The following CACNA1E variants were observed in gnomAD, a reference collection of about 807,000 sequenced individuals.
CACNA1E encodes the protein calcium voltage-gated channel subunit alpha1 E.
In CACNA1E, 40 loss-of-function variants were observed where a neutral mutation model predicts 259.2. The observed-to-expected ratio is 0.15, with a 90% CI of 0.12 to 0.20. The LOEUF is 0.20. Among genes scored for constraint, CACNA1E ranks in the 10% least tolerant of loss-of-function variants. The pLI is 1.00. For synonymous variants in CACNA1E, 1,104 were observed against 1,138.5 expected, an observed-to-expected ratio of 0.97 and a Z score of 0.61; for missense variants, 1,874 against 3,040.1, an observed-to-expected ratio of 0.62 and a Z score of 9.02.
At position 181,737,537 on chromosome 1, in the gene CACNA1E, C is replaced by G. The variant is rs1288960703; in HGVS notation, c.3435C>G (p.Ala1145=). ...CCACTGCCCGCAGGATCCGGAGGGC[C>G]TGCCACTACATCGTGAACCTGCGCT... is the stretch of plus-strand genomic sequence containing the variant. ...IFSTTNPIRR[A]CHYIVNLRYF... The change falls in exon 23 of 48, where the codon GCC becomes GCG. Residue 1145 remains alanine (A), a synonymous_variant. Transcript: ENST00000367573. The G allele has an allele frequency of 6.2e-7, 1 of 1,613,916 alleles. No individual in the cohort carries two copies.
intron 7 of CACNA1E, among the ~76,000 whole-genome samples, chr1:181,702,840 C>G (rs1652406989): frequency 6.6e-6 from 1 of 152,224 alleles, no homozygotes; most frequent in African/African-American, 2.4e-5. Context: ...CCAATACTTA[C>G]TATACTTCTC....
intron 3 of CACNA1E, among the ~76,000 whole-genome samples, chr1:181,532,478 T>G (rs1667856321): frequency 6.6e-6 from 1 of 152,230 alleles, no homozygotes; most frequent in South Asian, 2.1e-4. Flanking sequence ...CCAAGCTTGG[T>G]GCAGGGGCTG....
chr1:181,667,083 C>A (rs1648306747), intron 7 of CACNA1E, among the ~76,000 whole-genome samples: 1 of 151,964 alleles, frequency 6.6e-6, no homozygotes, highest in Admixed American at 6.5e-5. Flanking sequence ...ATACACTGAC[C>A]ACTATAATTT....
chr1:181,757,873 G>A, intron 30 of CACNA1E, 74 bp from the exon 31 acceptor site: 10 of 1,516,222 alleles, frequency 6.6e-6, no homozygotes, highest in Non-Finnish European at 9.0e-6. Flanking sequence ...CTCCTCTTCT[G>A]AGCATGGAAC....
chr1:181,731,352 G>A (rs1655458208), intron 19 of CACNA1E, 121 bp downstream of exon 19: 1 of 743,116 alleles, frequency 1.3e-6, no homozygotes, highest in East Asian at 2.7e-5. Context: ...GGCTTGGTGT[G>A]TGTGTGTGTG....
chr1:181,698,258 T>G (rs1651901907), intron 7 of CACNA1E, among the ~76,000 whole-genome samples: 1 of 152,162 alleles, frequency 6.6e-6, no homozygotes, highest in African/African-American at 2.4e-5. Context: ...AATGTCTGAT[T>G]TGAGTTAATA....
intron 1 of CACNA1E, among the ~76,000 whole-genome samples, chr1:181,391,993 C>T (rs536487591): frequency 5.4e-5 from 8 of 148,460 alleles, no homozygotes; most frequent in African/African-American, 1.5e-4. Flanking sequence ...AGTGGAAGGA[C>T]AGACCTCTTT....
rs371477663 is a variant in CACNA1E, at chr1:181,703,078, G to A, written c.1056-7876G>A. Among the ~76,000 whole-genome samples, 6 of 152,206 alleles carry A rather than the reference G, an allele frequency of 3.9e-5. No individual in the cohort carries two copies. In the East Asian group the frequency reaches 9.7e-4, roughly 25 times the overall value. ...CTCTCAAGTATCTGAGATTACAGGT[G>A]CATACCAGCATGCCCAATTATACTT... On this transcript the variant is annotated intron_variant, in intron 7 of 47. Transcript: ENST00000367573.
intron 35 of CACNA1E, among the ~76,000 whole-genome samples, chr1:181,768,910 A>T (rs1239172832): frequency 6.6e-6 from 1 of 152,254 alleles, no homozygotes; most frequent in African/African-American, 2.4e-5. Flanking sequence ...CTTTTGGAAA[A>T]ATATTAATAG....
chr1:181,351,291 G>C (rs964243677), intron 1 of CACNA1E, among the ~76,000 whole-genome samples: 1 of 152,162 alleles, frequency 6.6e-6, no homozygotes, highest in Non-Finnish European at 1.5e-5. Flanking sequence ...TCAGCATCTA[G>C]GGCTGTAGCC....
At chr1:181,489,802 G>C (rs1664156866) in intron 1 of CACNA1E, among the ~76,000 whole-genome samples, 1 of 152,262 alleles carries the variant, frequency 6.6e-6, no homozygotes, top group Middle Eastern at 3.4e-3. Flanking sequence ...ATGGGGACCA[G>C]GCATGGAAAT....
At position 181,692,758 on chromosome 1, in the gene CACNA1E, C is replaced by A. The variant is rs112857092; in HGVS notation, c.1056-18196C>A. 2.0e-3 allele frequency among the ~76,000 whole-genome samples: 309 copies of A among 152,128 alleles called. 1 individual carries two copies. The highest frequency in any genetic ancestry group is 6.5e-3 in the African/African-American group (270 of 41,512). ...CCTTGAGAAGGATTTATGACTAAGT[C>A]CTCAAAAGCAATTGCAATAAAAAAC... On this transcript the variant is annotated intron_variant, in intron 7 of 47. Transcript: ENST00000367573.
intron 8 of CACNA1E, among the ~76,000 whole-genome samples, chr1:181,714,123 C>G (rs1056850148): frequency 1.3e-5 from 2 of 152,304 alleles, no homozygotes; most frequent in South Asian, 2.1e-4. Context: ...GGACTGCCCC[C>G]ACTTTAGATG....
At chr1:181,618,520 G>A (rs986853676) in intron 6 of CACNA1E, among the ~76,000 whole-genome samples, 3 of 152,070 alleles carry the variant, frequency 2.0e-5, no homozygotes, top group Non-Finnish European at 4.4e-5. Context: ...AGCCAAGATC[G>A]TGCCACTGCA....
chr1:181,734,870 C>T (rs1254523978), intron 21 of CACNA1E, among the ~76,000 whole-genome samples: 1 of 151,438 alleles, frequency 6.6e-6, no homozygotes, highest in Non-Finnish European at 1.5e-5. Context: ...CACACCTCAT[C>T]CCTGCATTAT....
chr1:181,379,660 A>G (rs1195709408), intron 1 of CACNA1E, among the ~76,000 whole-genome samples: 1 of 152,102 alleles, frequency 6.6e-6, no homozygotes, highest in African/African-American at 2.4e-5. Context: ...GCTCTCTGGG[A>G]TCTCTTTTAT....
intron 2 of CACNA1E, among the ~76,000 whole-genome samples, chr1:181,431,013 C>T (rs369463123): frequency 6.6e-6 from 1 of 151,956 alleles, no homozygotes; most frequent in Non-Finnish European, 1.5e-5. Context: ...AACAAATTTT[C>T]CTATAACTTA....
intron 3 of CACNA1E, among the ~76,000 whole-genome samples, chr1:181,553,218 T>A (rs559799316): frequency 1.1e-4 from 16 of 152,318 alleles, no homozygotes; most frequent in Non-Finnish European, 2.2e-4. Flanking sequence ...GTCCTTCACA[T>A]CCCTTGTTAG....
intron 3 of CACNA1E, among the ~76,000 whole-genome samples, chr1:181,536,319 CT>C (rs1668168201): frequency 6.6e-6 from 1 of 151,912 alleles, no homozygotes; most frequent in Non-Finnish European, 1.5e-5. Context: ...TATTTTTCAT[CT>C]TTTTCTTACT....
Sources: allele counts gnomAD v4.1 joint callset (sites outside exome capture counted in the v4.1 genomes callset), GRCh38; gene constraint gnomAD v4.1.1; transcripts MANE v1.5; gene names NCBI Gene and HGNC (gene_info 2026-07-23, HGNC 2026-07-21).